DALRD3: variants seen among roughly 807,000 people sequenced by gnomAD.
The protein encoded by DALRD3 is DALR anticodon binding domain containing 3.
In DALRD3, 47 loss-of-function variants were observed where a neutral mutation model predicts 56.7. That is an observed-to-expected ratio of 0.83 (90% CI 0.66 to 1.06). The LOEUF is 1.06. Ranked by LOEUF, DALRD3 falls within the 50% of genes least tolerant of loss-of-function variation. The pLI, the probability that DALRD3 is intolerant of heterozygous loss-of-function variation, is 0.00. For missense variants in DALRD3, 787 were observed against 724.0 expected, an observed-to-expected ratio of 1.09 and a Z score of -1.00; for synonymous variants, 347 against 308.5, an observed-to-expected ratio of 1.12 and a Z score of -1.31.
intron 6 of DALRD3, 42 bp from the exon 7 acceptor site, chr3:49,016,715 G>A: frequency 1.9e-6 from 3 of 1,613,776 alleles, no homozygotes; most frequent in Non-Finnish European, 2.5e-6. Context: ...AGGGTCCTGG[G>A]TAAAGAGTCC....
chr3:49,015,640 A>C lies in DALRD3; in HGVS notation c.1580T>G (p.Val527Gly). Residue 527 changes from valine to glycine, a missense_variant, in exon 12 of 12, where the codon GTG becomes GGG. Coordinates refer to ENST00000341949, the MANE Select transcript of DALRD3 (RefSeq NM_001009996.3). Reference protein sequence around the residue: ...RLQLLRAVREVLHTGLAMLGL... With the variant: ...RLQLLRAVREGLHTGLAMLGL... ...CAGCATAGCCAGGCCAGTATGGAGCACCTCACGCACAGCTCTCAGAAGCTG... is the reference window on the plus strand; with the variant it reads ...CAGCATAGCCAGGCCAGTATGGAGCCCCTCACGCACAGCTCTCAGAAGCTG... The C allele has an allele frequency of 6.2e-7, 1 of 1,614,062 alleles. No individual in the cohort carries two copies. Among genetic ancestry groups the C allele is most frequent in the Non-Finnish European group, 8.5e-7 (1 of 1,180,008 alleles).
chr3:49,020,156 A>C, upstream of DALRD3: 1 of 534,262 alleles, frequency 1.9e-6, no homozygotes. Flanking sequence ...CCGAAAGAGC[A>C]CTGGGCGGAC....
At position 49,015,682 on chromosome 3, in the gene DALRD3, T is replaced by G; in HGVS notation, c.1538A>C (p.Gln513Pro). The change falls in exon 12 of 12, where the codon CAG becomes CCG. Residue 513 changes from glutamine to proline, a missense_variant. By Grantham distance (76) the Gln-to-Pro change is moderately conservative (BLOSUM62 -1). Coordinates refer to ENST00000341949, the MANE Select transcript of DALRD3 (RefSeq NM_001009996.3). ...CAGAAGCTGCAGGCGGACGAACATC[T>G]GACCAAAGAGGTGTGGTCGAGGCTC... ...LGEPRPHLFG[Q>P]MFVRLQLLRA... is the part of the protein sequence containing the mutation. 1 of 1,614,132 alleles carries G rather than the reference T, an allele frequency of 6.2e-7. No homozygotes were observed. Among genetic ancestry groups the G allele is most frequent in the South Asian group, 1.1e-5 (1 of 91,086 alleles).
chr3:49,016,360 C>G lies in DALRD3; in HGVS notation c.1147-20G>C. ...GAAGAGCTGGGGAATAGAAGCACAG[C>G]TGCAGAGAGAGAAGGCAGCCACCAC... On this transcript the variant is annotated intron_variant, in intron 8 of 11. Transcript: ENST00000341949. 1 of 1,605,128 alleles carries G rather than the reference C, an allele frequency of 6.2e-7. No individual in the cohort carries two copies. Among genetic ancestry groups the G allele is most frequent in the East Asian group, 2.2e-5 (1 of 44,724 alleles).
At chr3:49,020,590 G>C (rs764070771), upstream of DALRD3, 1 of 476,508 alleles carries the variant, frequency 2.1e-6, no homozygotes, top group Non-Finnish European at 4.4e-6. Flanking sequence ...GGGGTCAGGG[G>C]CACCCCATCT....
chr3:49,016,657 C>T lies in DALRD3; in HGVS notation c.1018G>A (p.Val340Met). Reference sequence around the variant, plus strand: ...TGCTTCAGTGCTGAGGCCTTGCACACCTGGGTATGCCGGAACCTGTGTTTG... The same window carrying T: ...TGCTTCAGTGCTGAGGCCTTGCACATCTGGGTATGCCGGAACCTGTGTTTG... ...PEYYEFRHTQ[V>M]CKASALKHGG... is the part of the protein sequence containing the mutation. The change falls in exon 7 of 12, where the codon GTG becomes ATG. Residue 340 changes from valine to methionine, a missense_variant. Transcript: ENST00000341949. The T allele has an allele frequency of 6.3e-7, 1 of 1,597,880 alleles. No homozygotes were observed. Among genetic ancestry groups the T allele is most frequent in the South Asian group, 1.1e-5 (1 of 88,584 alleles).
rs1186215049 is a variant in DALRD3, at chr3:49,018,016, C to T, written c.461+7G>A. On this transcript the variant is annotated splice_region_variant and intron_variant, in intron 2 of 11. Coordinates refer to ENST00000341949, the MANE Select transcript of DALRD3 (RefSeq NM_001009996.3). ...TTTCTCCATTCCGGCCCCGCGGCCCCGCTCACCCGTGAGCGCGCAGGGCTC... is the reference window on the plus strand; with the variant it reads ...TTTCTCCATTCCGGCCCCGCGGCCCTGCTCACCCGTGAGCGCGCAGGGCTC... 3.4e-6 allele frequency: 5 copies of T among 1,479,880 alleles called. No individual in the cohort carries two copies. Among genetic ancestry groups the T allele is most frequent in the African/African-American group, 1.4e-5 (1 of 71,406 alleles). 91.7% of individuals were successfully genotyped at this position (1,479,880 alleles called of 1,614,324 possible).
rs1218933813 is a variant in DALRD3 at position 49,016,354 on chromosome 3, G to C, written c.1147-14C>G. ...AGCCAGGAAGAGCTGGGGAATAGAA[G>C]CACAGCTGCAGAGAGAGAAGGCAGC... On this transcript the variant is annotated splice_polypyrimidine_tract_variant and intron_variant, in intron 8 of 11. Transcript: ENST00000341949. 2.5e-6 allele frequency: 4 copies of C among 1,605,538 alleles called. No homozygotes were observed. In the Admixed American group the frequency reaches 5.0e-5, roughly 20 times the overall value.
chr3:49,016,901 C>A, intron 5 of DALRD3, 54 bp from the exon 6 acceptor site: 1 of 1,603,012 alleles, frequency 6.2e-7, no homozygotes, highest in South Asian at 1.1e-5. Context: ...TCCAGGAAGT[C>A]CCTTGAGGAG....
rs1473104003 is a variant in DALRD3, at chr3:49,018,399, C to T, written c.165+1G>A. 3.8e-6 allele frequency: 6 copies of T among 1,564,768 alleles called. No individual in the cohort carries two copies. Among genetic ancestry groups the T allele is most frequent in the African/African-American group, 1.4e-5 (1 of 73,574 alleles). ...CACGGCCCCGCCCGGCTCACGCCCACCTGGCCGTCATCGAAGCGCGCCTGC... is the reference window on the plus strand; with the variant it reads ...CACGGCCCCGCCCGGCTCACGCCCATCTGGCCGTCATCGAAGCGCGCCTGC... On this transcript the variant is annotated splice_donor_variant, in intron 1 of 11. Coordinates refer to ENST00000341949, the MANE Select transcript of DALRD3 (RefSeq NM_001009996.3). LOFTEE classifies it high-confidence loss of function.
chr3:49,016,113 G>T, intron 9 of DALRD3, 27 bp from the exon 10 acceptor site: 1 of 1,608,578 alleles, frequency 6.2e-7, no homozygotes. Context: ...TGCTGGGAGG[G>T]GAAGTCCAGG....
At chr3:49,017,154 C>T in intron 5 of DALRD3, 74 bp downstream of exon 5, 1 of 1,603,344 alleles carries the variant, frequency 6.2e-7, no homozygotes, top group South Asian at 1.1e-5. Context: ...TAACAAGCCC[C>T]TCGGTGGGTT....
In DALRD3 at chr3:49,015,670, C is replaced by T. The variant is rs756389338; in HGVS notation, c.1550G>A (p.Arg517His). Residue 517 changes from arginine to histidine, a missense_variant, in exon 12 of 12, where the codon CGC becomes CAC. By Grantham distance (29) the Arg-to-His change is conservative. Coordinates refer to ENST00000341949, the MANE Select transcript of DALRD3 (RefSeq NM_001009996.3). ...RPHLFGQMFVRLQLLRAVREV... is the reference protein window; with the variant it reads ...RPHLFGQMFVHLQLLRAVREV... The stretch of plus-strand genomic sequence containing the variant: ...ACGCACAGCTCTCAGAAGCTGCAGG[C>T]GGACGAACATCTGACCAAAGAGGTG... 9 of 1,613,962 alleles carry T rather than the reference C, an allele frequency of 5.6e-6. No individual in the cohort carries two copies. Among genetic ancestry groups the T allele is most frequent in the African/African-American group, 4.0e-5 (3 of 74,868 alleles).
Position 49,017,877 on chromosome 3 carries a change from G to GTC in DALRD3, c.462-9_462-8insGA, listed in dbSNP as rs781465443. 8 of 1,588,900 alleles carry GTC rather than the reference G, an allele frequency of 5.0e-6. No individual in the cohort carries two copies. The highest frequency in any genetic ancestry group is 6.0e-6 in the Non-Finnish European group (7 of 1,174,776). On this transcript the variant is annotated splice_polypyrimidine_tract_variant and intron_variant, in intron 2 of 11. Transcript: ENST00000341949. Reference sequence around the variant, plus strand: ...ACTAGGCGCACGCACACCCTGCGAAGGGAGGGCGGCCGCCTCAGTCTGAGC... The same window carrying GTC: ...ACTAGGCGCACGCACACCCTGCGAAGTCGGAGGGCGGCCGCCTCAGTCTGAGC...
chr3:49,021,470 C>G (rs917964049), upstream of DALRD3: 1 of 153,744 alleles, frequency 6.5e-6, no homozygotes, highest in Non-Finnish European at 1.5e-5. This position sits in a 1 kb window ranked among gnomAD's most constrained non-coding sequence, Gnocchi z 4.1. Flanking sequence ...GAACAGCCAC[C>G]CAAACACTAT....
In DALRD3 at chr3:49,017,847, C is replaced by G. The variant is rs373966327; in HGVS notation, c.484G>C (p.Ala162Pro). 1 of 1,605,082 alleles carries G rather than the reference C, an allele frequency of 6.2e-7. No homozygotes were observed. The highest frequency in any genetic ancestry group is 1.3e-5 in the African/African-American group (1 of 75,016). The change falls in exon 3 of 12, where the codon GCT (alanine) becomes CCT (proline). Residue 162 changes from alanine (A) to proline (P), a missense_variant. By Grantham distance (27) the Ala-to-Pro change is conservative. Coordinates refer to ENST00000341949, the MANE Select transcript of DALRD3 (RefSeq NM_001009996.3). Reference protein sequence around the residue: ...AHGVCVRLVPAVRDPHMLTFL... With the variant: ...AHGVCVRLVPPVRDPHMLTFL... ...GTCAGCATGTGCGGATCCCGCACAGCTGGCACTAGGCGCACGCACACCCTG... is the reference window on the plus strand; with the variant it reads ...GTCAGCATGTGCGGATCCCGCACAGGTGGCACTAGGCGCACGCACACCCTG...
chr3:49,016,797 CAG>C lies in DALRD3; in HGVS notation c.976_977del (p.Leu326AspfsTer5). On this transcript the variant is annotated frameshift_variant, in exon 6 of 12. Coordinates refer to ENST00000341949, the MANE Select transcript of DALRD3 (RefSeq NM_001009996.3). LOFTEE classifies it high-confidence loss of function. Reference sequence around the variant, plus strand: ...ACTCGTAGTACTCAGGGGCAGTCATCAGAGTGCCAGGTGCACCAGCTACTTTC... The same window carrying C: ...ACTCGTAGTACTCAGGGGCAGTCATCAGTGCCAGGTGCACCAGCTACTTTC... The part of the protein sequence containing the change: ...PVKVAGAPGT[L>X]MTAPEYYEFR... 2 of 1,614,222 alleles carry C rather than the reference CAG, an allele frequency of 1.2e-6. No homozygotes were observed. The highest frequency in any genetic ancestry group is 1.7e-6 in the Non-Finnish European group (2 of 1,180,040).
At chr3:49,020,304 T>G, upstream of DALRD3, 1 of 498,212 alleles carries the variant, frequency 2.0e-6, no homozygotes, top group South Asian at 1.5e-5. Flanking sequence ...AACTGAGGAC[T>G]TCAGATACTC....
intron 5 of DALRD3, 87 bp downstream of exon 5, chr3:49,017,141 A>C: frequency 1.3e-5 from 21 of 1,581,014 alleles, no homozygotes; most frequent in Non-Finnish European, 1.8e-5. Context: ...GGTTTCTGTC[A>C]GCTAACAAGC....
Sources: gnomAD v4.1 joint callset for allele counts on GRCh38, gnomAD v4.1.1 for gene constraint, Gnocchi (gnomAD v3.1) non-coding constraint, MANE v1.5 for transcripts, NCBI Gene and HGNC (gene_info 2026-07-23, HGNC 2026-07-21) for gene names.